Variants in SLIT3 observed in about 807,000 individuals in gnomAD.
The protein encoded by SLIT3 is slit guidance ligand 3.
Under a neutral mutation model 184.0 loss-of-function variants are expected in SLIT3, and 68 were observed. That is an observed-to-expected ratio of 0.37 (90% CI 0.30 to 0.45). The LOEUF is 0.45. Among genes scored for constraint, SLIT3 ranks in the 20% least tolerant of loss-of-function variants. SLIT3 has a pLI of 1.00. For missense variants in SLIT3, 1,707 were observed against 2,026.0 expected (o/e 0.84, Z 3.02); for synonymous variants, 831 against 828.6 (o/e 1.00, Z -0.05).
At chr5:169,046,070 G>A (rs906389369) in intron 4 of SLIT3, among the ~76,000 whole-genome samples, 1 of 152,194 alleles carries the variant, frequency 6.6e-6, no homozygotes, top group Non-Finnish European at 1.5e-5. Flanking sequence ...CAGAGTATGA[G>A]AAGGATTTGA....
intron 6 of SLIT3, among the ~76,000 whole-genome samples, chr5:168,831,482 T>G (rs1315277526): frequency 6.6e-6 from 1 of 152,212 alleles, no homozygotes; most frequent in African/African-American, 2.4e-5. Flanking sequence ...AAACAACTGA[T>G]GCTGCACTGA....
chr5:169,296,968 G>A (rs949341820), intron 1 of SLIT3, among the ~76,000 whole-genome samples: 3 of 152,190 alleles, frequency 2.0e-5, no homozygotes, highest in Non-Finnish European at 4.4e-5. Context: ...CCCCGTGTGA[G>A]AGTTCATTTT....
At chr5:169,235,887 C>A (rs1765180353) in intron 3 of SLIT3, among the ~76,000 whole-genome samples, 1 of 152,208 alleles carries the variant, frequency 6.6e-6, no homozygotes, top group African/African-American at 2.4e-5. Flanking sequence ...AATGTTGACA[C>A]TGACCTTGAT....
intron 1 of SLIT3, among the ~76,000 whole-genome samples, chr5:169,272,504 A>G (rs1270173336): frequency 6.6e-6 from 1 of 152,260 alleles, no homozygotes. Context: ...GCTAGGAAAG[A>G]AACCAAGCCC....
Position 168,931,590 on chromosome 5 carries a change from A to G in SLIT3, c.414-48254T>C, listed in dbSNP as rs377197418. Among the ~76,000 whole-genome samples the G allele has an allele frequency of 9.8e-5, 15 of 152,298 alleles. No individual in the cohort carries two copies. In the East Asian group the frequency reaches 1.9e-3, roughly 20 times the overall value. ...AAAGCTCTCTTGGAGAAGGAAAGGG[A>G]AAGTGTGTACTGAGTATACGATGAG... is the stretch of plus-strand genomic sequence containing the variant. On this transcript the variant is annotated intron_variant, in intron 4 of 35. Coordinates refer to ENST00000519560, the MANE Select transcript of SLIT3 (RefSeq NM_003062.4).
At chr5:168,712,235 A>G (rs1177252870) in intron 24 of SLIT3, 48 bp downstream of exon 24, 1 of 1,530,806 alleles carries the variant, frequency 6.5e-7, no homozygotes, top group Non-Finnish European at 9.1e-7. Flanking sequence ...TGACACTTTC[A>G]TGCTTTCATG....
At chr5:168,754,208 T>C (rs944377734) in intron 16 of SLIT3, among the ~76,000 whole-genome samples, 2 of 152,168 alleles carry the variant, frequency 1.3e-5, no homozygotes, top group Non-Finnish European at 2.9e-5. Flanking sequence ...CCTGGCCCTA[T>C]ACAGGTGAAG....
chr5:168,843,114 G>A (rs762797237), intron 6 of SLIT3, among the ~76,000 whole-genome samples: 13 of 152,132 alleles, frequency 8.5e-5, no homozygotes, highest in African/African-American at 1.2e-4. Flanking sequence ...GACCTCCCTG[G>A]CTGTGGGTCC....
At chr5:169,245,525 A>T (rs1301908676) in intron 2 of SLIT3, among the ~76,000 whole-genome samples, 1 of 152,234 alleles carries the variant, frequency 6.6e-6, no homozygotes, top group African/African-American at 2.4e-5. Flanking sequence ...GAAACAATGA[A>T]GCTATGTAGC....
chr5:169,100,963 A>G (rs1759987943), intron 4 of SLIT3, among the ~76,000 whole-genome samples: 2 of 152,334 alleles, frequency 1.3e-5, no homozygotes, highest in Middle Eastern at 3.4e-3. Context: ...GTAGCCCAGC[A>G]TGGGAGTCAG....
intron 3 of SLIT3, among the ~76,000 whole-genome samples, chr5:169,242,120 C>G (rs1300121333): frequency 1.3e-5 from 2 of 152,182 alleles, no homozygotes; most frequent in Non-Finnish European, 2.9e-5. Context: ...ATTATGTTTT[C>G]CAATTCTACA....
At chr5:169,260,153 T>G (rs568487075) in intron 1 of SLIT3, among the ~76,000 whole-genome samples, 1 of 151,664 alleles carries the variant, frequency 6.6e-6, no homozygotes, top group Admixed American at 6.6e-5. Flanking sequence ...ATAAACAACT[T>G]TAAAAAAAAA....
chr5:169,239,381 G>A (rs1316659122), intron 3 of SLIT3, among the ~76,000 whole-genome samples: 1 of 151,846 alleles, frequency 6.6e-6, no homozygotes, highest in Non-Finnish European at 1.5e-5. Flanking sequence ...AACAGAATGA[G>A]TTTGTATTAA....
In SLIT3 at chr5:168,866,449, G is replaced by C. The variant is rs141934196; in HGVS notation, c.485+16816C>G. ...GACAAATTAAGAGCAATGAAGGCTT[G>C]GATATTAGGCACAAAGGACTCAATG... On this transcript the variant is annotated intron_variant, in intron 5 of 35. Transcript: ENST00000519560. Among the ~76,000 whole-genome samples, 311 of 152,300 alleles carry C rather than the reference G, an allele frequency of 2.0e-3. 1 individual carries two copies. Among genetic ancestry groups the C allele is most frequent in the African/African-American group, 7.0e-3 (289 of 41,550 alleles).
Position 169,063,129 on chromosome 5 carries a change from G to C in SLIT3, c.413+130350C>G, listed in dbSNP as rs375098554. Among the ~76,000 whole-genome samples the C allele has an allele frequency of 7.2e-5, 11 of 152,304 alleles. No homozygotes were observed. In the East Asian group the frequency reaches 1.7e-3, roughly 24 times the overall value. ...ATTGTCAGCTGTAAATACCTAGAGG[G>C]ACGAAGTTTGTAATCATAAGTGCCA... On this transcript the variant is annotated intron_variant, in intron 4 of 35. Transcript: ENST00000519560.
intron 4 of SLIT3, among the ~76,000 whole-genome samples, chr5:168,969,059 A>G (rs1754456553): frequency 6.6e-6 from 1 of 152,178 alleles, no homozygotes; most frequent in Non-Finnish European, 1.5e-5. Flanking sequence ...TTTCCCCCGC[A>G]AGATACACCA....
intron 12 of SLIT3, among the ~76,000 whole-genome samples, chr5:168,776,410 T>C (rs1324723367): frequency 6.6e-6 from 1 of 152,192 alleles, no homozygotes. Flanking sequence ...TAGAATACTG[T>C]GTTTTCCAAA....
At chr5:168,817,152 G>A (rs1757357698) in intron 8 of SLIT3, 148 bp downstream of exon 8, 1 of 626,916 alleles carries the variant, frequency 1.6e-6, no homozygotes. Context: ...TTCTTTAAGT[G>A]ACTACTGAGT....
chr5:169,218,229 A>T (rs1764511804), intron 3 of SLIT3, among the ~76,000 whole-genome samples: 1 of 152,188 alleles, frequency 6.6e-6, no homozygotes, highest in Non-Finnish European at 1.5e-5. Flanking sequence ...TTGCTTAATC[A>T]TCATTATCTC....
Sources: allele counts gnomAD v4.1 joint callset (sites outside exome capture counted in the v4.1 genomes callset), GRCh38; gene constraint gnomAD v4.1.1; transcripts MANE v1.5; gene names NCBI Gene and HGNC (gene_info 2026-07-23, HGNC 2026-07-21).